Variants in GBA1 observed in about 807,000 individuals in gnomAD.
GBA1 encodes the protein glucosylceramidase beta 1, also known as lysosomal acid glucosylceramidase.
the GBA1 span, chr1:155,237,949 G>A: frequency 5.0e-5 from 35 of 696,076 alleles, no homozygotes; most frequent in East Asian, 8.4e-4. Flanking sequence ...GGGCCAGACC[G>A]AGAGAACAGG....
chr1:155,237,972 G>A, the GBA1 span: 1 of 769,692 alleles, frequency 1.3e-6, no homozygotes, highest in Non-Finnish European at 2.2e-6. Flanking sequence ...GCCTGATGGA[G>A]TGGGCAAGAT....
chr1:155,235,967 C>G, the GBA1 span: 8 of 1,119,560 alleles, frequency 7.1e-6, no homozygotes, highest in Non-Finnish European at 1.1e-5. Context: ...GGGCACATTC[C>G]TTAGTAGCTA....
At chr1:155,235,589 T>C in the GBA1 span, 1 of 1,378,014 alleles carries the variant, frequency 7.3e-7, no homozygotes, top group Non-Finnish European at 1.0e-6. Flanking sequence ...CTGAACACCT[T>C]CCTGCTCCCT....
chr1:155,243,016 G>A, the GBA1 span, among the ~76,000 whole-genome samples: 1 of 152,220 alleles, frequency 6.6e-6, no homozygotes, highest in South Asian at 2.1e-4. Context: ...TATAAAAGGG[G>A]AGTGATAACT....
At chr1:155,241,364 A>G in the GBA1 span, 1 of 597,494 alleles carries the variant, frequency 1.7e-6, no homozygotes, top group Middle Eastern at 4.5e-4. Flanking sequence ...TCTGTTACAG[A>G]TTATATGCCC....
chr1:155,236,305 C>A, the GBA1 span: 1 of 1,614,196 alleles, frequency 6.2e-7, no homozygotes, highest in Non-Finnish European at 8.5e-7. Context: ...GCACACTCTG[C>A]TCCCAGAACT....
chr1:155,237,649 A>C, the GBA1 span: 1 of 1,593,630 alleles, frequency 6.3e-7, no homozygotes, highest in Non-Finnish European at 8.5e-7. Context: ...GGTGGCTCAC[A>C]CCTGTAATCC....
the GBA1 span, chr1:155,241,317 A>G: frequency 6.3e-6 from 4 of 633,490 alleles, no homozygotes; most frequent in Non-Finnish European, 8.6e-6. Flanking sequence ...TGAGGCAATC[A>G]CAGCCATATT....
the GBA1 span, chr1:155,238,882 A>G: frequency 6.8e-6 from 4 of 590,588 alleles, no homozygotes; most frequent in Admixed American, 6.0e-5. Context: ...AGGGCATTAA[A>G]ACAGGAACCA....
the GBA1 span, chr1:155,235,827 C>T: frequency 1.2e-6 from 2 of 1,614,220 alleles, no homozygotes; most frequent in Non-Finnish European, 1.7e-6. Flanking sequence ...TCCAGCCGAC[C>T]ACATGGTACA....
the GBA1 span, chr1:155,237,715 A>G: frequency 1.3e-6 from 2 of 1,532,464 alleles, no homozygotes; most frequent in East Asian, 4.9e-5. Flanking sequence ...GTTCGAGAAC[A>G]GCCTGGCGAA....
At chr1:155,241,149 G>A in the GBA1 span, 5 of 1,606,844 alleles carry the variant, frequency 3.1e-6, no homozygotes, top group Non-Finnish European at 4.3e-6. Context: ...AGACCACAGG[G>A]GTTCCAGAGT....
the GBA1 span, chr1:155,240,702 A>G: frequency 1.4e-5 from 22 of 1,613,512 alleles, no homozygotes; most frequent in African/African-American, 2.8e-4. Flanking sequence ...ACCCTACTCA[A>G]AGGCTTGGGA....
chr1:155,236,941 C>T, the GBA1 span, among the ~76,000 whole-genome samples: 5 of 151,820 alleles, frequency 3.3e-5, no homozygotes, highest in South Asian at 2.1e-4. Context: ...CTCGGCTCAC[C>T]GCAACCACCA....
the GBA1 span, chr1:155,241,372 C>G: frequency 3.5e-6 from 2 of 578,302 alleles, no homozygotes; most frequent in Non-Finnish European, 3.1e-6. Context: ...AGATTATATG[C>G]CCTATAAAAC....
chr1:155,238,645 C>T, the GBA1 span: 104 of 1,613,480 alleles, frequency 6.4e-5, no homozygotes, highest in Non-Finnish European at 8.1e-5. Context: ...ATGTTATATC[C>T]GATTCCTACA....
At chr1:155,241,141 A>G in the GBA1 span, 5 of 1,611,604 alleles carry the variant, frequency 3.1e-6, no homozygotes, top group Admixed American at 6.7e-5. Context: ...TGAAGAGAAG[A>G]CCACAGGGGT....
chr1:155,240,257 A>C, the GBA1 span: 3 of 625,832 alleles, frequency 4.8e-6, no homozygotes, highest in Admixed American at 8.1e-5. Context: ...TGAGGTGAGG[A>C]GTTTGAGACC....
the GBA1 span, chr1:155,238,776 G>C: frequency 6.5e-7 from 1 of 1,543,100 alleles, no homozygotes; most frequent in African/African-American, 1.4e-5. Context: ...TCCTGGGTTG[G>C]AACCTGTGGA....
Sources: allele counts gnomAD v4.1 joint callset (sites outside exome capture counted in the v4.1 genomes callset), GRCh38; gene constraint gnomAD v4.1.1; transcripts MANE v1.5; gene names NCBI Gene and HGNC (gene_info 2026-07-23, HGNC 2026-07-21).